PTPN3: variants seen among roughly 807,000 people sequenced by gnomAD.
PTPN3 encodes protein tyrosine phosphatase non-receptor type 3.
In PTPN3, 96 loss-of-function variants were observed where a neutral mutation model predicts 132.7. The observed-to-expected ratio is 0.72, with a 90% confidence interval of 0.61 to 0.86. PTPN3 has a LOEUF of 0.86. Ranked by LOEUF, PTPN3 falls within the 40% of genes least tolerant of loss-of-function variation. The probability of loss-of-function intolerance (pLI) is 0.00; values close to 1 mark genes in which losing one functional copy is unlikely to be tolerated. For synonymous variants in PTPN3, 398 were observed against 429.0 expected (o/e 0.93, Z 0.89); for missense variants, 1,125 against 1,159.6 (o/e 0.97, Z 0.43).
chr9:109,397,722 A>T (rs1365882510), intron 19 of PTPN3: 1 of 152,182 alleles, frequency 6.6e-6, no homozygotes, highest in Non-Finnish European at 1.5e-5. Context: ...TCCCAGATGC[A>T]GATTCTACTG....
At chr9:109,499,274 G>C (rs977591376), upstream of PTPN3, among the ~76,000 whole-genome samples, 9 of 152,062 alleles carry the variant, frequency 5.9e-5, no homozygotes, top group Non-Finnish European at 1.0e-4. Flanking sequence ...GAAGCGGTCG[G>C]ATAGGGCCCT....
rs1238638841 is a variant in PTPN3, at chr9:109,379,373, C to CT, written c.*182dup. The CT allele has an allele frequency of 1.3e-5, 8 of 593,514 alleles. No individual in the cohort carries two copies. The highest frequency in any genetic ancestry group is 2.4e-5 in the Non-Finnish European group (8 of 334,778). The allele number at this position is 593,514 out of a possible 1,614,324, so 36.8% of individuals were successfully genotyped here. A position where few individuals can be genotyped will look rare whatever the true frequency, so the allele number is the denominator to read the frequency against. ...GCCTAAATGATGCCATAATTGCATGCTTATCTACACCAGTTCCTATGTACA... is the reference window on the plus strand; with the variant it reads ...GCCTAAATGATGCCATAATTGCATGCTTTATCTACACCAGTTCCTATGTACA... On this transcript the variant is annotated 3_prime_UTR_variant, in exon 26 of 26. Coordinates refer to ENST00000374541, the MANE Select transcript of PTPN3 (RefSeq NM_002829.4).
At chr9:109,527,047 T>C in the PTPN3 span, among the ~76,000 whole-genome samples, 5 of 152,178 alleles carry the variant, frequency 3.3e-5, no homozygotes, top group African/African-American at 9.6e-5. Flanking sequence ...ATAATGAAGA[T>C]TCTAAAGGGC....
chr9:109,529,791 T>C, the PTPN3 span, among the ~76,000 whole-genome samples: 1 of 152,226 alleles, frequency 6.6e-6, no homozygotes, highest in Non-Finnish European at 1.5e-5. Context: ...TGAAACTGTA[T>C]ACCTATTAAA....
In PTPN3 at chr9:109,410,268, C is replaced by G. The variant is rs746947779; in HGVS notation, c.1461G>C (p.Gly487=). 4 of 1,614,150 alleles carry G rather than the reference C, an allele frequency of 2.5e-6. No individual in the cohort carries two copies. The highest frequency in any genetic ancestry group is 3.4e-6 in the Non-Finnish European group (4 of 1,180,036). ...ACTGGCTGGCGTCCTCGGTGGAGCC[C>G]CCTTTGGTCACCCTGTGGAAGTCAT... ...LLDDFHRVTK[G]GSTEDASQYY... The change falls in exon 15 of 26, where the codon GGG becomes GGC. Residue 487 remains glycine (G), a synonymous_variant. Transcript: ENST00000374541.
rs1841491159 is a variant in PTPN3, at chr9:109,405,528, C to T, written c.1793-920G>A. On this transcript the variant is annotated intron_variant, in intron 18 of 25. Transcript: ENST00000374541. Reference sequence around the variant, plus strand: ...ACAACAGTGTGATGCTCAGTAGAGGCTGTCCTTCAAACCTCTGCTCCCATC... The same window carrying T: ...ACAACAGTGTGATGCTCAGTAGAGGTTGTCCTTCAAACCTCTGCTCCCATC... 2.0e-5 allele frequency among the ~76,000 whole-genome samples: 3 copies of T among 152,346 alleles called. No homozygotes were observed. In the South Asian group the frequency reaches 6.2e-4, roughly 32 times the overall value.
chr9:109,446,106 T>C (rs1844837093), intron 6 of PTPN3, among the ~76,000 whole-genome samples: 1 of 152,202 alleles, frequency 6.6e-6, no homozygotes, highest in African/African-American at 2.4e-5. Context: ...CCAGCAGACC[T>C]GGAGCAGGGG....
intron 14 of PTPN3, among the ~76,000 whole-genome samples, chr9:109,412,603 G>C (rs1342124838): frequency 6.6e-6 from 1 of 152,260 alleles, no homozygotes; most frequent in East Asian, 1.9e-4. Flanking sequence ...TCGATCTCTT[G>C]ACCTCGTGAT....
At chr9:109,447,884 A>G (rs566601696) in intron 6 of PTPN3, among the ~76,000 whole-genome samples, 1 of 152,254 alleles carries the variant, frequency 6.6e-6, no homozygotes, top group African/African-American at 2.4e-5. Context: ...GTAGGACACG[A>G]ACAGCCCTCT....
At chr9:109,449,599 G>C in intron 5 of PTPN3, 1 of 985,452 alleles carries the variant, frequency 1.0e-6, no homozygotes, top group African/African-American at 1.7e-5. Flanking sequence ...GCATTGCGCA[G>C]GTCAGGAAGC....
intron 5 of PTPN3, chr9:109,449,450 GA>G: frequency 1.0e-6 from 1 of 985,548 alleles, no homozygotes; most frequent in Non-Finnish European, 1.2e-6. Flanking sequence ...CCTCCAAGCT[GA>G]ATTCTGCACT....
At chr9:109,445,586 T>A (rs1486144338) in intron 6 of PTPN3, among the ~76,000 whole-genome samples, 1 of 151,926 alleles carries the variant, frequency 6.6e-6, no homozygotes, top group African/African-American at 2.4e-5. Flanking sequence ...AGGGTCAGGC[T>A]CTTATCTCTA....
chr9:109,512,995 T>A, the PTPN3 span, among the ~76,000 whole-genome samples: 1 of 152,164 alleles, frequency 6.6e-6, no homozygotes, highest in African/African-American at 2.4e-5. Context: ...GTGTATTATA[T>A]CTGAAATGTT....
At chr9:109,412,330 C>T (rs1842142638) in intron 14 of PTPN3, among the ~76,000 whole-genome samples, 1 of 151,876 alleles carries the variant, frequency 6.6e-6, no homozygotes, top group African/African-American at 2.4e-5. Context: ...ATCTTGGTCT[C>T]TTGAGTAGCT....
intron 1 of PTPN3, among the ~76,000 whole-genome samples, chr9:109,483,413 G>A (rs890990237): frequency 2.0e-5 from 3 of 152,094 alleles, no homozygotes; most frequent in Non-Finnish European, 4.4e-5. Context: ...CAGCTGTGAG[G>A]CAGGTGCTGG....
the PTPN3 span, among the ~76,000 whole-genome samples, chr9:109,509,584 A>G: frequency 6.6e-6 from 1 of 152,232 alleles, no homozygotes; most frequent in Non-Finnish European, 1.5e-5. Flanking sequence ...TGAGTGAATT[A>G]GTTGACATTG....
chr9:109,442,627 C>T (rs996275251), intron 7 of PTPN3, among the ~76,000 whole-genome samples: 3 of 152,210 alleles, frequency 2.0e-5, no homozygotes, highest in Non-Finnish European at 4.4e-5. Flanking sequence ...ATAGAATTTA[C>T]TGTTTACAAC....
At chr9:109,461,834 A>G (rs917275842) in intron 2 of PTPN3, among the ~76,000 whole-genome samples, 7 of 152,216 alleles carry the variant, frequency 4.6e-5, no homozygotes, top group South Asian at 4.1e-4. Flanking sequence ...GGGCTCCCCT[A>G]TGGGTTAGTG....
chr9:109,463,441 C>T lies in PTPN3; in HGVS notation c.-7G>A, dbSNP rs751034463. 4.0e-5 allele frequency: 64 copies of T among 1,603,742 alleles called. No homozygotes were observed. Among genetic ancestry groups the T allele is most frequent in the African/African-American group, 6.7e-5 (5 of 74,202 alleles). Reference sequence around the variant, plus strand: ...CACGTAACCGGGAGGTCATAACTATCGCTGAATAACCTGTAACATAAAATA... The same window carrying T: ...CACGTAACCGGGAGGTCATAACTATTGCTGAATAACCTGTAACATAAAATA... On this transcript the variant is annotated 5_prime_UTR_variant, in exon 2 of 26. Coordinates refer to ENST00000374541, the MANE Select transcript of PTPN3 (RefSeq NM_002829.4).
Sources: allele counts gnomAD v4.1 joint callset (sites outside exome capture counted in the v4.1 genomes callset), GRCh38; gene constraint gnomAD v4.1.1; transcripts MANE v1.5; gene names NCBI Gene and HGNC (gene_info 2026-07-23, HGNC 2026-07-21).